MEF2A: variants seen among roughly 807,000 people sequenced by gnomAD.
MEF2A encodes myocyte-specific enhancer factor 2A.
A neutral mutation model predicts 55.8 loss-of-function variants in MEF2A; 28 were observed. The ratio of observed to expected loss-of-function variants is 0.50; its 90% confidence interval spans 0.37 to 0.69. The LOEUF is 0.69. Ranked by LOEUF, MEF2A falls within the 30% of genes least tolerant of loss-of-function variation. The pLI, the probability that MEF2A is intolerant of heterozygous loss-of-function variation, is 0.00. For synonymous variants in MEF2A, 239 were observed against 227.1 expected (o/e 1.05, Z -0.47); for missense variants, 528 against 626.2 (o/e 0.84, Z 1.67).
chr15:99,610,895 T>C (rs932661163), intron 2 of MEF2A, among the ~76,000 whole-genome samples: 2 of 152,132 alleles, frequency 1.3e-5, no homozygotes, highest in Non-Finnish European at 2.9e-5. Context: ...AAAGAGGAAA[T>C]AGGTAAATTG....
At chr15:99,682,655 T>A (rs1467104907) in intron 7 of MEF2A, among the ~76,000 whole-genome samples, 3 of 152,224 alleles carry the variant, frequency 2.0e-5, no homozygotes, top group African/African-American at 4.8e-5. Flanking sequence ...TTAATCATCA[T>A]CTGCTACTGA....
intron 1 of MEF2A, among the ~76,000 whole-genome samples, chr15:99,594,848 G>A (rs1970628233): frequency 6.6e-6 from 1 of 152,180 alleles, no homozygotes. Flanking sequence ...GAAATTATCA[G>A]TAATTGTAAA....
intron 1 of MEF2A, among the ~76,000 whole-genome samples, chr15:99,581,145 T>TA (rs1465701183): frequency 6.6e-6 from 1 of 152,130 alleles, no homozygotes; most frequent in Non-Finnish European, 1.5e-5. Flanking sequence ...TTTCTTTCCT[T>TA]AGAGTTAGTA....
intron 1 of MEF2A, among the ~76,000 whole-genome samples, chr15:99,574,231 T>G (rs1439685440): frequency 2.0e-5 from 3 of 152,206 alleles, no homozygotes; most frequent in Non-Finnish European, 4.4e-5. Flanking sequence ...ACAGAGATTA[T>G]TATTTTATTT....
intron 4 of MEF2A, among the ~76,000 whole-genome samples, chr15:99,658,629 A>G (rs978846849): frequency 6.6e-6 from 1 of 152,114 alleles, no homozygotes; most frequent in Non-Finnish European, 1.5e-5. Flanking sequence ...CAAAAACTCT[A>G]TATAGACATA....
chr15:99,642,825 C>A (rs149751341), intron 3 of MEF2A, among the ~76,000 whole-genome samples: 19 of 152,264 alleles, frequency 1.2e-4, no homozygotes, highest in South Asian at 2.1e-4. Context: ...TTCTCTGAAT[C>A]CACTTTCATT....
chr15:99,665,113 A>G (rs1019058590), intron 4 of MEF2A, among the ~76,000 whole-genome samples: 4 of 152,234 alleles, frequency 2.6e-5, no homozygotes, highest in African/African-American at 9.6e-5. Flanking sequence ...CAAGTTTTCT[A>G]TAAGTTAACT....
intron 1 of MEF2A, among the ~76,000 whole-genome samples, chr15:99,594,891 T>C (rs1970645285): frequency 6.6e-6 from 1 of 152,252 alleles, no homozygotes; most frequent in African/African-American, 2.4e-5. Context: ...TACATGTTCA[T>C]GGTCTCTATC....
chr15:99,713,142 C>G lies in MEF2A; in HGVS notation c.*371C>G. 1 of 422,820 alleles carries G rather than the reference C, an allele frequency of 2.4e-6. No homozygotes were observed. The highest frequency in any genetic ancestry group is 2.0e-5 in the African/African-American group (1 of 49,488). The allele number at this position is 422,820 out of a possible 1,614,324, so 26.2% of individuals were successfully genotyped here. Reference sequence around the variant, plus strand: ...CTAGCTTGCAGAAACCTAGAGGGCCCCCTACTTGTTTTATTTAACTGTGCA... The same window carrying G: ...CTAGCTTGCAGAAACCTAGAGGGCCGCCTACTTGTTTTATTTAACTGTGCA... On this transcript the variant is annotated 3_prime_UTR_variant, in exon 12 of 12. Transcript: ENST00000557942.
At chr15:99,706,534 A>G in intron 9 of MEF2A, 195 bp from the exon 10 acceptor site, 2 of 584,890 alleles carry the variant, frequency 3.4e-6, no homozygotes, top group East Asian at 3.1e-5. Flanking sequence ...TTTTAAAAGA[A>G]TTAATGTAAA....
rs753457182 is a variant in MEF2A at position 99,710,768 on chromosome 15, A to G, written c.1136+8A>G. The G allele has an allele frequency of 2.5e-6, 4 of 1,591,858 alleles. No individual in the cohort carries two copies. The highest frequency in any genetic ancestry group is 3.4e-6 in the Non-Finnish European group (4 of 1,161,408). On this transcript the variant is annotated splice_region_variant and intron_variant, in intron 11 of 11. Transcript: ENST00000557942. ...AGCCCTCAGCTCTCTTGTGTGAGTA[A>G]CTAGAAGTTTTCCCTGCATCTTTAC...
At chr15:99,619,449 T>G (rs897129000) in intron 2 of MEF2A, among the ~76,000 whole-genome samples, 11 of 152,264 alleles carry the variant, frequency 7.2e-5, no homozygotes, top group South Asian at 4.1e-4. Context: ...CAGTTATTTT[T>G]CAGATTTAAA....
chr15:99,675,454 A>G lies in MEF2A; in HGVS notation c.666A>G (p.Pro222=). The G allele has an allele frequency of 1.9e-6, 3 of 1,613,428 alleles. No individual in the cohort carries two copies. Among genetic ancestry groups the G allele is most frequent in the Non-Finnish European group, 1.7e-6 (2 of 1,179,364 alleles). The change falls in exon 7 of 12, where the codon CCA becomes CCG. Residue 222 remains proline (P), a synonymous_variant. Transcript: ENST00000557942. ...LTVPNGAGSS[P]VGNGFVNSRA... is the part of the protein sequence containing the mutation. ...TGCCAAATGGAGCTGGAAGCAGTCC[A>G]GTGGGTGAGTGAATTCCTACTCTTC...
chr15:99,675,447 G>A lies in MEF2A; in HGVS notation c.659G>A (p.Ser220Asn). 6.2e-7 allele frequency: 1 copy of A among 1,613,814 alleles called. No individual in the cohort carries two copies. The highest frequency in any genetic ancestry group is 1.7e-5 in the Admixed American group (1 of 60,024). ...TDLTVPNGAG[S>N]SPVGNGFVNS... ...CTCACAGTGCCAAATGGAGCTGGAA[G>A]CAGTCCAGTGGGTGAGTGAATTCCT... Residue 220 changes from serine (S) to asparagine (N), a missense_variant, in exon 7 of 12, where the codon AGC becomes AAC. By Grantham distance (46) the Ser-to-Asn change is conservative. Around this residue, in one of 2 missense-constraint regions of MEF2A, gnomAD observed 450 missense variants for 475.3 expected, o/e 0.95. Coordinates refer to ENST00000557942, the MANE Select transcript of MEF2A (RefSeq NM_001319206.4).
chr15:99,705,326 CA>C (rs1221893083), intron 9 of MEF2A, among the ~76,000 whole-genome samples: 2 of 152,168 alleles, frequency 1.3e-5, no homozygotes, highest in Non-Finnish European at 2.9e-5. Context: ...AAATTTGGGA[CA>C]GAGGGTTTCT....
intron 1 of MEF2A, among the ~76,000 whole-genome samples, chr15:99,574,385 C>T (rs1468728073): frequency 6.6e-6 from 1 of 152,134 alleles, no homozygotes; most frequent in African/African-American, 2.4e-5. Context: ...AAGCACATTA[C>T]ATTTATTGTA....
intron 8 of MEF2A, among the ~76,000 whole-genome samples, chr15:99,695,541 T>TTGTGTCTG (rs1555498138): frequency 6.9e-6 from 1 of 144,778 alleles, no homozygotes; most frequent in Admixed American, 6.9e-5. Context: ...ATTGTCAGAT[T>TTGTGTCTG]TGTGTGTGTG....
chr15:99,670,636 A>G (rs1164144750), intron 4 of MEF2A, among the ~76,000 whole-genome samples: 4 of 152,164 alleles, frequency 2.6e-5, no homozygotes, highest in Non-Finnish European at 5.9e-5. Flanking sequence ...AAGAAAAGAC[A>G]GTTCTCCAGA....
In MEF2A at chr15:99,598,514, A is replaced by G. The variant is rs1240412953; in HGVS notation, c.-143+3A>G. ...TTTTTGCTGATACTTCATTTCTAGT[A>G]AGACATTTTTTCTTTTCTATGTTAA... is the stretch of plus-strand genomic sequence containing the variant. On this transcript the variant is annotated splice_donor_region_variant and intron_variant, in intron 2 of 11. Coordinates refer to ENST00000557942, the MANE Select transcript of MEF2A (RefSeq NM_001319206.4). 2 of 152,152 alleles carry G rather than the reference A, an allele frequency of 1.3e-5. No homozygotes were observed. The highest frequency in any genetic ancestry group is 2.4e-5 in the African/African-American group (1 of 41,460). The allele number at this position is 152,152 out of a possible 1,614,324, so 9.4% of individuals were successfully genotyped here. A position where few individuals can be genotyped will look rare whatever the true frequency, so the allele number is the denominator to read the frequency against.
Sources: allele counts gnomAD v4.1 joint callset (sites outside exome capture counted in the v4.1 genomes callset), GRCh38; gene constraint gnomAD v4.1.1; regional missense constraint gnomAD v4.1.1; transcripts MANE v1.5; gene names NCBI Gene and HGNC (gene_info 2026-07-23, HGNC 2026-07-21).